PTPRT: variants seen among roughly 807,000 people sequenced by gnomAD.
The protein encoded by PTPRT is receptor-type tyrosine-protein phosphatase T.
In PTPRT, 56 loss-of-function variants were observed where a neutral mutation model predicts 176.8. That is an observed-to-expected ratio of 0.32 (90% CI 0.26 to 0.40). PTPRT has a LOEUF of 0.40. PTPRT is among the 10% of genes least tolerant of loss of function. PTPRT has a pLI of 1.00. For missense variants in PTPRT, 1,540 were observed against 1,908.2 expected (o/e 0.81, Z 3.60); for synonymous variants, 783 against 739.0 (o/e 1.06, Z -0.96).
chr20:42,835,384 G>T (rs1443434616), intron 2 of PTPRT, among the ~76,000 whole-genome samples: 2 of 152,200 alleles, frequency 1.3e-5, no homozygotes, highest in African/African-American at 4.8e-5. Context: ...ACTTGGGAAG[G>T]TTTGTAAGTG....
At chr20:43,183,650 T>C (rs1415843302) in intron 1 of PTPRT, among the ~76,000 whole-genome samples, 3 of 152,190 alleles carry the variant, frequency 2.0e-5, no homozygotes, top group Non-Finnish European at 4.4e-5. Flanking sequence ...TTTGCAAACA[T>C]CTCTTGAGAG....
At chr20:43,157,448 T>C (rs1405359522) in intron 1 of PTPRT, among the ~76,000 whole-genome samples, 1 of 151,998 alleles carries the variant, frequency 6.6e-6, no homozygotes, top group African/African-American at 2.4e-5. Context: ...TTACGAGAAA[T>C]ATAATAAAGT....
At chr20:42,298,286 T>C (rs2057416471) in intron 12 of PTPRT, among the ~76,000 whole-genome samples, 1 of 152,224 alleles carries the variant, frequency 6.6e-6, no homozygotes, top group Non-Finnish European at 1.5e-5. Flanking sequence ...AAATTAAAGC[T>C]ATATTGAGAT....
intron 7 of PTPRT, among the ~76,000 whole-genome samples, chr20:42,506,703 T>C (rs1207578489): frequency 6.6e-6 from 1 of 152,168 alleles, no homozygotes; most frequent in Non-Finnish European, 1.5e-5. Context: ...TAATGGATGG[T>C]ATTATTCCCA....
intron 1 of PTPRT, among the ~76,000 whole-genome samples, chr20:43,155,573 T>C (rs1301572631): frequency 6.6e-6 from 1 of 152,160 alleles, no homozygotes; most frequent in Non-Finnish European, 1.5e-5. Flanking sequence ...GATACATCAT[T>C]ACAGTTAGGA....
chr20:42,087,177 C>T (rs1301426043), intron 27 of PTPRT, among the ~76,000 whole-genome samples: 1 of 151,402 alleles, frequency 6.6e-6, no homozygotes, highest in African/African-American at 2.4e-5. Context: ...TTATGTGGCC[C>T]CAAATATCCA....
At chr20:42,767,719 T>C (rs998415569) in intron 5 of PTPRT, among the ~76,000 whole-genome samples, 1 of 146,412 alleles carries the variant, frequency 6.8e-6, no homozygotes, top group African/African-American at 2.5e-5. Flanking sequence ...ATATATTTTA[T>C]AAAATATATA....
chr20:43,106,525 C>T (rs1273430737), intron 1 of PTPRT, among the ~76,000 whole-genome samples: 2 of 151,712 alleles, frequency 1.3e-5, no homozygotes, highest in African/African-American at 4.8e-5. Flanking sequence ...GGCGTGATGG[C>T]GGGCACCTGT....
chr20:42,677,494 G>T (rs531172663), intron 7 of PTPRT, among the ~76,000 whole-genome samples: 1 of 152,172 alleles, frequency 6.6e-6, no homozygotes, highest in East Asian at 1.9e-4. Flanking sequence ...AGCCCTCGGA[G>T]AAATTATTAG....
chr20:42,643,461 A>G (rs1373160362), intron 7 of PTPRT, among the ~76,000 whole-genome samples: 2 of 151,942 alleles, frequency 1.3e-5, no homozygotes, highest in African/African-American at 4.8e-5. Context: ...AGCTAGGACT[A>G]CAGGTACATG....
At chr20:42,592,774 G>A (rs1177652784) in intron 7 of PTPRT, among the ~76,000 whole-genome samples, 2 of 152,114 alleles carry the variant, frequency 1.3e-5, no homozygotes, top group African/African-American at 4.8e-5. Flanking sequence ...CCATCATGAG[G>A]CCTCTGAGGA....
chr20:43,174,805 G>C (rs560218204), intron 1 of PTPRT, among the ~76,000 whole-genome samples: 1 of 152,202 alleles, frequency 6.6e-6, no homozygotes, highest in East Asian at 1.9e-4. Context: ...TATTCCTTTT[G>C]AACAACCAAA....
chr20:43,131,357 G>A (rs949894413), intron 1 of PTPRT, among the ~76,000 whole-genome samples: 3 of 152,172 alleles, frequency 2.0e-5, no homozygotes, highest in Non-Finnish European at 4.4e-5. Flanking sequence ...GGTAATTCCA[G>A]GGCAGATCTG....
At chr20:42,807,659 A>C (rs184151654) in intron 2 of PTPRT, among the ~76,000 whole-genome samples, 1 of 152,272 alleles carries the variant, frequency 6.6e-6, no homozygotes, top group Non-Finnish European at 1.5e-5. Flanking sequence ...AGCATAGACA[A>C]CAGGTGTGGG....
intron 7 of PTPRT, among the ~76,000 whole-genome samples, chr20:42,598,184 G>T (rs956545089): frequency 6.6e-6 from 1 of 152,054 alleles, no homozygotes; most frequent in African/African-American, 2.4e-5. Flanking sequence ...AGAGTGCTAT[G>T]ATGTATTAAG....
chr20:42,659,308 A>C (rs571122133), intron 7 of PTPRT, among the ~76,000 whole-genome samples: 2 of 152,112 alleles, frequency 1.3e-5, no homozygotes, highest in African/African-American at 4.8e-5. Context: ...TCTTTCATCT[A>C]TCTTTGGAAT....
At chr20:42,909,592 G>A (rs1225774438) in intron 1 of PTPRT, among the ~76,000 whole-genome samples, 1 of 152,182 alleles carries the variant, frequency 6.6e-6, no homozygotes, top group Admixed American at 6.5e-5. Flanking sequence ...ATACACAAGA[G>A]GGTGTGGCAT....
At chr20:42,900,142 A>C (rs1030628584) in intron 1 of PTPRT, among the ~76,000 whole-genome samples, 6 of 152,144 alleles carry the variant, frequency 3.9e-5, no homozygotes, top group Admixed American at 6.5e-5. Flanking sequence ...TAAATCCATC[A>C]AAGTGGGGGT....
chr20:42,659,414 A>C (rs980253647), intron 7 of PTPRT, among the ~76,000 whole-genome samples: 3 of 152,192 alleles, frequency 2.0e-5, no homozygotes, highest in African/African-American at 7.2e-5. Flanking sequence ...AAACTCCCAT[A>C]ATACAGAATA....
Sources: gnomAD v4.1 joint callset for allele counts (sites outside exome capture counted in the v4.1 genomes callset) on GRCh38, gnomAD v4.1.1 for gene constraint, MANE v1.5 for transcripts, NCBI Gene and HGNC (gene_info 2026-07-23, HGNC 2026-07-21) for gene names.